The following KCNQ3 variants were observed in gnomAD, a reference collection of about 807,000 sequenced individuals.
KCNQ3 encodes potassium voltage-gated channel subfamily KQT member 3.
In KCNQ3, 30 loss-of-function variants were observed where a neutral mutation model predicts 92.5. The ratio of observed to expected loss-of-function variants is 0.32; its 90% CI spans 0.24 to 0.44. The LOEUF (loss-of-function observed/expected upper bound fraction) is 0.44, where lower values mean the gene tolerates loss of function less well. Among genes scored for constraint, KCNQ3 ranks in the 20% least tolerant of loss-of-function variants. The pLI, the probability that KCNQ3 is intolerant of heterozygous loss-of-function variation, is 1.00. For missense variants in KCNQ3, 913 were observed against 1,140.3 expected, an observed-to-expected ratio of 0.80 and a Z score of 2.87; for synonymous variants, 450 against 468.8, an observed-to-expected ratio of 0.96 and a Z score of 0.52.
chr8:132,323,437 T>A (rs1414188789), intron 1 of KCNQ3, among the ~76,000 whole-genome samples: 2 of 152,216 alleles, frequency 1.3e-5, no homozygotes, highest in Non-Finnish European at 2.9e-5. Flanking sequence ...GTGATACAGG[T>A]TATATGCGGC....
intron 1 of KCNQ3, among the ~76,000 whole-genome samples, chr8:132,339,189 G>C (rs1032497253): frequency 6.6e-6 from 1 of 152,172 alleles, no homozygotes; most frequent in African/African-American, 2.4e-5. Flanking sequence ...GAACAAAGTG[G>C]GGGCTGGAAC....
Position 132,122,891 on chromosome 8 carries a change from T to A in KCNQ3, c.*6371A>T, listed in dbSNP as rs1479906014. 1 of 152,222 alleles carries A rather than the reference T, an allele frequency of 6.6e-6. No homozygotes were observed. The highest frequency in any genetic ancestry group is 1.5e-5 in the Non-Finnish European group (1 of 68,032). 9.4% of individuals were successfully genotyped at this position (152,222 alleles called of 1,614,324 possible). A position where few individuals can be genotyped will look rare whatever the true frequency, so the allele number is the denominator to read the frequency against. ...TTCCTAAAATAATCTCTTAGTTACA[T>A]AACCATAAGATGTCCTAAGTTGAGT... On this transcript the variant is annotated 3_prime_UTR_variant, in exon 15 of 15. Transcript: ENST00000388996.
At chr8:132,313,801 T>C (rs1190151400) in intron 1 of KCNQ3, among the ~76,000 whole-genome samples, 1 of 152,130 alleles carries the variant, frequency 6.6e-6, no homozygotes, top group Non-Finnish European at 1.5e-5. Flanking sequence ...GAAAAATATA[T>C]CATTGTTTTC....
chr8:132,279,332 G>A (rs13265691), intron 1 of KCNQ3, among the ~76,000 whole-genome samples: 66,776 of 152,010 alleles, frequency 0.44, 16,534 homozygotes, highest in East Asian at 0.68. Flanking sequence ...TGATTTTACC[G>A]TGCAGCATGG....
intron 1 of KCNQ3, among the ~76,000 whole-genome samples, chr8:132,471,440 A>G (rs1012425270): frequency 6.6e-6 from 1 of 152,166 alleles, no homozygotes; most frequent in Non-Finnish European, 1.5e-5. Context: ...CATGGATTTC[A>G]TGAGGGTTGC....
chr8:132,358,690 T>C (rs547710562), intron 1 of KCNQ3, among the ~76,000 whole-genome samples: 1 of 134,302 alleles, frequency 7.4e-6, no homozygotes, highest in East Asian at 2.1e-4. Flanking sequence ...TCACGTGGAA[T>C]TCAAATATGG....
intron 1 of KCNQ3, among the ~76,000 whole-genome samples, chr8:132,398,759 G>A (rs1820261047): frequency 6.6e-6 from 1 of 152,198 alleles, no homozygotes; most frequent in Non-Finnish European, 1.5e-5. Context: ...ATGGGCAGAT[G>A]AGCCTGAAGC....
intron 1 of KCNQ3, among the ~76,000 whole-genome samples, chr8:132,209,566 C>CACAT (rs1170116786): frequency 1.3e-5 from 2 of 151,676 alleles, no homozygotes; most frequent in African/African-American, 4.9e-5. Context: ...CACACACACA[C>CACAT]GTATTGATGG....
chr8:132,152,479 ACAATTGTTTGCAT>A (rs1350590695), intron 9 of KCNQ3, among the ~76,000 whole-genome samples: 1 of 152,228 alleles, frequency 6.6e-6, no homozygotes, highest in Non-Finnish European at 1.5e-5. Context: ...TCATGGCAAT[ACAATTGTTTGCAT>A]CACTGCAATA....
intron 1 of KCNQ3, among the ~76,000 whole-genome samples, chr8:132,415,152 A>G (rs1820761974): frequency 1.3e-5 from 2 of 152,144 alleles, no homozygotes; most frequent in South Asian, 4.1e-4. Flanking sequence ...CCTCTGAACC[A>G]TCTACTGCCT....
At chr8:132,339,073 T>C (rs1485754800) in intron 1 of KCNQ3, among the ~76,000 whole-genome samples, 3 of 152,252 alleles carry the variant, frequency 2.0e-5, no homozygotes, top group African/African-American at 2.4e-5. Flanking sequence ...GGCATGGGAA[T>C]TGGAATTGAG....
At chr8:132,141,818 A>AC (rs1355476722) in intron 9 of KCNQ3, among the ~76,000 whole-genome samples, 1 of 152,070 alleles carries the variant, frequency 6.6e-6, no homozygotes, top group African/African-American at 2.4e-5. Context: ...CCACAAACAG[A>AC]CCCTCATGGA....
intron 1 of KCNQ3, among the ~76,000 whole-genome samples, chr8:132,207,124 C>T (rs376458095): frequency 5.7e-4 from 86 of 152,168 alleles, no homozygotes; most frequent in African/African-American, 2.0e-3. Context: ...TGAGAAATAC[C>T]ATTGTGCATA....
At chr8:132,480,053 G>A in intron 1 of KCNQ3, 94 bp downstream of exon 1, 1 of 1,258,362 alleles carries the variant, frequency 7.9e-7, no homozygotes, top group South Asian at 1.3e-5. Flanking sequence ...GCATCCATGG[G>A]TCTTAAAGCC....
intron 1 of KCNQ3, among the ~76,000 whole-genome samples, chr8:132,455,739 C>CT (rs970015609): frequency 7.2e-5 from 11 of 151,932 alleles, no homozygotes; most frequent in Admixed American, 3.3e-4. Context: ...GAGGTGGATA[C>CT]TTTTTTTTGT....
At chr8:132,345,614 C>T (rs1462439183) in intron 1 of KCNQ3, among the ~76,000 whole-genome samples, 3 of 152,224 alleles carry the variant, frequency 2.0e-5, no homozygotes, top group African/African-American at 7.2e-5. Flanking sequence ...TGAATACTGT[C>T]TTGATAATTT....
intron 9 of KCNQ3, among the ~76,000 whole-genome samples, chr8:132,147,293 C>A (rs777718304): frequency 2.0e-5 from 3 of 152,142 alleles, no homozygotes; most frequent in Admixed American, 2.0e-4. Context: ...CCTGGTTTCT[C>A]GTTGCACAGA....
chr8:132,136,811 T>TA (rs1390529194), intron 12 of KCNQ3, among the ~76,000 whole-genome samples: 22 of 151,968 alleles, frequency 1.4e-4, no homozygotes, highest in Admixed American at 1.3e-3. Flanking sequence ...TCATATAATT[T>TA]AAAAAATCTC....
At chr8:132,334,637 G>A (rs1818317589) in intron 1 of KCNQ3, among the ~76,000 whole-genome samples, 1 of 152,184 alleles carries the variant, frequency 6.6e-6, no homozygotes, top group South Asian at 2.1e-4. Context: ...ATCCCCATCT[G>A]GGGGCCATGT....
Sources: gnomAD v4.1 joint callset for allele counts (sites outside exome capture counted in the v4.1 genomes callset) on GRCh38, gnomAD v4.1.1 for gene constraint, MANE v1.5 for transcripts, NCBI Gene and HGNC (gene_info 2026-07-23, HGNC 2026-07-21) for gene names.